The following UMPS variants were observed in gnomAD, a reference collection of about 807,000 sequenced individuals.
UMPS encodes the protein uridine monophosphate synthetase.
Under a neutral mutation model 38.9 loss-of-function variants are expected in UMPS, and 21 were observed. That is an observed-to-expected ratio of 0.54 (90% CI 0.38 to 0.78). UMPS has a LOEUF of 0.78. Among genes scored for constraint, UMPS ranks in the 30% least tolerant of loss-of-function variants. The pLI is 0.00. For missense variants in UMPS, 533 were observed against 591.6 expected, an observed-to-expected ratio of 0.90 and a Z score of 1.03; for synonymous variants, 208 against 219.3, an observed-to-expected ratio of 0.95 and a Z score of 0.45.
At position 124,748,535 on chromosome 3, in the gene UMPS, AG is replaced by A. The variant is rs1559911303; in HGVS notation, c.*4456del. 1 of 454,080 alleles carries A rather than the reference AG, an allele frequency of 2.2e-6. No homozygotes were observed. Among genetic ancestry groups the A allele is most frequent in the South Asian group, 1.6e-5 (1 of 64,476 alleles). 28.1% of individuals were successfully genotyped at this position (454,080 alleles called of 1,614,324 possible). Reference sequence around the variant, plus strand: ...TTGCCTAGCCCTTTCCTTCCCACCAAGGGGGAAAGTCTTCCTCTAGACAAGA... The same window carrying A: ...TTGCCTAGCCCTTTCCTTCCCACCAAGGGGAAAGTCTTCCTCTAGACAAGA... On this transcript the variant is annotated 3_prime_UTR_variant, in exon 6 of 6. Coordinates refer to ENST00000232607, the MANE Select transcript of UMPS (RefSeq NM_000373.4).
At chr3:124,734,517 G>C (rs1018446536) in intron 1 of UMPS, among the ~76,000 whole-genome samples, 3 of 152,176 alleles carry the variant, frequency 2.0e-5, no homozygotes, top group African/African-American at 7.2e-5. Context: ...AGCTTCCCCA[G>C]CACATCTCAG....
At chr3:124,731,317 A>T (rs530812661) in intron 1 of UMPS, among the ~76,000 whole-genome samples, 23 of 152,266 alleles carry the variant, frequency 1.5e-4, no homozygotes, top group African/African-American at 5.5e-4. Context: ...GATGTATACA[A>T]AATTTATCAG....
intron 1 of UMPS, among the ~76,000 whole-genome samples, chr3:124,731,347 C>G (rs963100581): frequency 6.6e-6 from 1 of 152,312 alleles, no homozygotes; most frequent in East Asian, 1.9e-4. Context: ...AGACTTCAAC[C>G]ATACTCCCCT....
At chr3:124,739,583 C>T (rs1490767440) in intron 3 of UMPS, among the ~76,000 whole-genome samples, 1 of 152,222 alleles carries the variant, frequency 6.6e-6, no homozygotes, top group Non-Finnish European at 1.5e-5. Flanking sequence ...ATCTGCCCAC[C>T]TCAGCCTCCC....
chr3:124,732,908 ATTTAT>A (rs1163311918), intron 1 of UMPS, among the ~76,000 whole-genome samples: 4 of 151,908 alleles, frequency 2.6e-5, no homozygotes, highest in Non-Finnish European at 5.9e-5. Context: ...GGAAAAATTG[ATTTAT>A]TTTAATAAGC....
At chr3:124,741,995 C>T (rs2063559954) in intron 4 of UMPS, among the ~76,000 whole-genome samples, 157 bp from the exon 5 acceptor site, 1 of 151,572 alleles carries the variant, frequency 6.6e-6, no homozygotes, top group South Asian at 2.1e-4. Context: ...GTAGGAGGAT[C>T]CCTTGAGCCC....
rs1417820769 is a variant in UMPS, at chr3:124,746,253, C to G, written c.*2169C>G. 2.2e-6 allele frequency: 1 copy of G among 454,134 alleles called. No individual in the cohort carries two copies. Among genetic ancestry groups the G allele is most frequent in the Admixed American group, 2.3e-5 (1 of 42,582 alleles). The allele number at this position is 454,134 out of a possible 1,614,324, so 28.1% of individuals were successfully genotyped here. A position where few individuals can be genotyped will look rare whatever the true frequency, so the allele number is the denominator to read the frequency against. On this transcript the variant is annotated 3_prime_UTR_variant, in exon 6 of 6. Coordinates refer to ENST00000232607, the MANE Select transcript of UMPS (RefSeq NM_000373.4). ...AAATGAGAGGAGGCTCAAATAATCA[C>G]CCAGCCCCTGCCACTTACTGAAAGT...
At position 124,748,008 on chromosome 3, in the gene UMPS, A is replaced by T. The variant is rs1230065808; in HGVS notation, c.*3924A>T. 2.2e-6 allele frequency: 1 copy of T among 452,712 alleles called. No individual in the cohort carries two copies. The highest frequency in any genetic ancestry group is 4.4e-6 in the Non-Finnish European group (1 of 225,964). 28.0% of individuals were successfully genotyped at this position (452,712 alleles called of 1,614,324 possible). ...AGAAAGGGCATTCCTTTTTGAAGGA[A>T]TCTGATACTAAACACAAAGCATGAG... On this transcript the variant is annotated 3_prime_UTR_variant, in exon 6 of 6. Coordinates refer to ENST00000232607, the MANE Select transcript of UMPS (RefSeq NM_000373.4).
intron 1 of UMPS, among the ~76,000 whole-genome samples, chr3:124,731,198 C>T (rs1051613920): frequency 2.1e-5 from 3 of 144,128 alleles, no homozygotes; most frequent in Admixed American, 1.4e-4. Context: ...AAGTGAGACC[C>T]TGCCCTCAAA....
In UMPS at chr3:124,743,985, T is replaced by C. The variant is rs767336487; in HGVS notation, c.1344T>C (p.Ile448=). The change falls in exon 6 of 6, where the codon ATT becomes ATC. Residue 448 remains isoleucine (I), a synonymous_variant. Transcript: ENST00000232607. ...VIGKRGSDII[I]VGRGIISAAD... is the part of the protein sequence containing the mutation. ...GCAAACGAGGTTCCGATATCATCAT[T>C]GTAGGTCGTGGCATAATCTCAGCAG... 2 of 1,614,238 alleles carry C rather than the reference T, an allele frequency of 1.2e-6. No homozygotes were observed. Among genetic ancestry groups the C allele is most frequent in the Non-Finnish European group, 1.7e-6 (2 of 1,180,038 alleles).
chr3:124,735,444 G>C (rs868367413), intron 2 of UMPS, among the ~76,000 whole-genome samples, 198 bp downstream of exon 2: 5 of 151,886 alleles, frequency 3.3e-5, no homozygotes, highest in Non-Finnish European at 7.4e-5. Flanking sequence ...GTATTGATTA[G>C]GAAATGAAAA....
At chr3:124,743,822 T>A in intron 5 of UMPS, 93 bp from the exon 6 acceptor site, 1 of 1,526,770 alleles carries the variant, frequency 6.5e-7, no homozygotes. Context: ...ATGTTTTTAT[T>A]TAAAGCTGGT....
In UMPS at chr3:124,738,241, T is replaced by A. The variant is rs745697791; in HGVS notation, c.982+2T>A. ...ACACAGTGAAAAAGCAGTATGAAGG[T>A]AAGTGTATTATTCAGGAATCTGCAA... On this transcript the variant is annotated splice_donor_variant, in intron 3 of 5. Transcript: ENST00000232607. LOFTEE classifies it high-confidence loss of function. The A allele has an allele frequency of 3.1e-6, 5 of 1,613,522 alleles. No homozygotes were observed. In the African/African-American group the frequency reaches 6.7e-5, roughly 22 times the overall value.
At chr3:124,731,571 G>T in intron 1 of UMPS, 1 of 410,592 alleles carries the variant, frequency 2.4e-6, no homozygotes. Context: ...CTGCAGCCTG[G>T]AACTCCTGGG....
At chr3:124,731,753 TG>T (rs1321346902) in intron 1 of UMPS, 1 of 177,834 alleles carries the variant, frequency 5.6e-6, no homozygotes, top group Non-Finnish European at 1.2e-5. Flanking sequence ...AAAAATTAGC[TG>T]GGCATGGTGG....
At chr3:124,731,068 A>G (rs982245998) in intron 1 of UMPS, among the ~76,000 whole-genome samples, 1 of 152,082 alleles carries the variant, frequency 6.6e-6, no homozygotes, top group East Asian at 1.9e-4. Flanking sequence ...CGTCTCTACA[A>G]AAAATTAGCT....
At chr3:124,731,292 C>T (rs1360134525) in intron 1 of UMPS, among the ~76,000 whole-genome samples, 1 of 152,136 alleles carries the variant, frequency 6.6e-6, no homozygotes, top group Non-Finnish European at 1.5e-5. Flanking sequence ...GAAAATAGAA[C>T]AACCAGAACT....
rs1202392125 is a variant in UMPS at position 124,740,099 on chromosome 3, G to C, written c.1058G>C (p.Gly353Ala). Residue 353 changes from glycine to alanine, a missense_variant, in exon 4 of 6, where the codon GGC (glycine) becomes GCC (alanine). Transcript: ENST00000232607. ...HVVPGSGVVK[G>A]LQEVGLPLHR... ...GTGCCAGGCTCAGGAGTTGTGAAAGGCCTGCAAGAAGTGGGCCTGCCTTTG... is the reference window on the plus strand; with the variant it reads ...GTGCCAGGCTCAGGAGTTGTGAAAGCCCTGCAAGAAGTGGGCCTGCCTTTG... The C allele has an allele frequency of 6.2e-7, 1 of 1,614,132 alleles. No homozygotes were observed. The highest frequency in any genetic ancestry group is 1.1e-5 in the South Asian group (1 of 91,082).
In UMPS at chr3:124,746,374, A is replaced by C. The variant is rs1412788700; in HGVS notation, c.*2290A>C. 2.2e-6 allele frequency: 1 copy of C among 454,124 alleles called. No homozygotes were observed. Among genetic ancestry groups the C allele is most frequent in the Non-Finnish European group, 4.4e-6 (1 of 226,798 alleles). The allele number at this position is 454,124 out of a possible 1,614,324, so 28.1% of individuals were successfully genotyped here. A position where few individuals can be genotyped will look rare whatever the true frequency, so the allele number is the denominator to read the frequency against. ...CGTGTGCATTTCTAATGGGTGCCTC[A>C]AGTGATCTGTTTCTGATTTGTATTT... On this transcript the variant is annotated 3_prime_UTR_variant, in exon 6 of 6. Coordinates refer to ENST00000232607, the MANE Select transcript of UMPS (RefSeq NM_000373.4).
Sources: allele counts gnomAD v4.1 joint callset (sites outside exome capture counted in the v4.1 genomes callset), GRCh38; gene constraint gnomAD v4.1.1; transcripts MANE v1.5; gene names NCBI Gene and HGNC (gene_info 2026-07-23, HGNC 2026-07-21).